PARP15: variants seen among roughly 807,000 people sequenced by gnomAD.
The protein encoded by PARP15 is poly(ADP-ribose) polymerase family member 15.
Under a neutral mutation model 62.1 loss-of-function variants are expected in PARP15, and 50 were observed. The observed-to-expected ratio is 0.81, with a 90% CI of 0.64 to 1.02. The LOEUF (loss-of-function observed/expected upper bound fraction) is 1.02. PARP15 is among the 50% of genes least tolerant of loss of function. The pLI, the probability that PARP15 is intolerant of heterozygous loss-of-function variation, is 0.00. For missense variants in PARP15, 820 were observed against 826.5 expected (o/e 0.99, Z 0.10); for synonymous variants, 309 against 293.1 (o/e 1.05, Z -0.55).
intron 8 of PARP15, among the ~76,000 whole-genome samples, chr3:122,622,043 C>T (rs923370586): frequency 6.6e-6 from 1 of 152,246 alleles, no homozygotes. Context: ...AAGCAATCCG[C>T]CTGCCTCAGC....
intron 4 of PARP15, 184 bp from the exon 5 acceptor site, chr3:122,615,595 A>C (rs1188708880): frequency 7.6e-7 from 1 of 1,314,108 alleles, no homozygotes; most frequent in Non-Finnish European, 1.0e-6. Context: ...GCAAATCAGC[A>C]CTGCTATTTG....
At chr3:122,585,729 T>G (rs1314293211) in intron 1 of PARP15, among the ~76,000 whole-genome samples, 1 of 152,190 alleles carries the variant, frequency 6.6e-6, no homozygotes, top group Non-Finnish European at 1.5e-5. Context: ...TCGTCAATCA[T>G]CTGATAGAAG....
intron 4 of PARP15, chr3:122,615,092 A>T (rs1195894679): frequency 2.0e-6 from 2 of 984,574 alleles, no homozygotes; most frequent in Admixed American, 6.2e-5. Context: ...GAAAAAGTAG[A>T]AACAGTCCCA....
intron 2 of PARP15, 146 bp downstream of exon 2, chr3:122,606,201 A>C (rs569547867): frequency 1.9e-6 from 2 of 1,029,262 alleles, no homozygotes; most frequent in Non-Finnish European, 2.7e-6. Context: ...AAACCCACTT[A>C]AAGTTTATGC....
chr3:122,587,152 A>G (rs1267733615), intron 1 of PARP15, among the ~76,000 whole-genome samples: 1 of 152,224 alleles, frequency 6.6e-6, no homozygotes, highest in African/African-American at 2.4e-5. Flanking sequence ...ACTAAATGAT[A>G]GTCCCTTGTT....
intron 8 of PARP15, among the ~76,000 whole-genome samples, chr3:122,625,303 G>A (rs1936643325): frequency 6.6e-6 from 1 of 152,086 alleles, no homozygotes; most frequent in African/African-American, 2.4e-5. Context: ...ACCCAGGCTG[G>A]AGTTCAGTGG....
At chr3:122,605,238 C>T (rs1935082903) in intron 1 of PARP15, among the ~76,000 whole-genome samples, 1 of 152,062 alleles carries the variant, frequency 6.6e-6, no homozygotes, top group Non-Finnish European at 1.5e-5. Flanking sequence ...TTCAGTATGC[C>T]TGTACTTCCT....
chr3:122,606,444 C>A (rs1473141332), intron 2 of PARP15, among the ~76,000 whole-genome samples: 2 of 152,196 alleles, frequency 1.3e-5, no homozygotes, highest in Non-Finnish European at 1.5e-5. Flanking sequence ...TTGCTCCTGC[C>A]TGAGCACTTT....
intron 3 of PARP15, among the ~76,000 whole-genome samples, chr3:122,612,641 T>C (rs144023905): frequency 0.037 from 5,689 of 152,042 alleles, 364 homozygotes; most frequent in African/African-American, 0.13. Flanking sequence ...GGGGTTTCAC[T>C]GTGTTAGCCA....
intron 1 of PARP15, among the ~76,000 whole-genome samples, chr3:122,588,662 A>G (rs533637350): frequency 6.6e-6 from 1 of 152,298 alleles, no homozygotes; most frequent in South Asian, 2.1e-4. Context: ...TCTCTAAAAA[A>G]TAAAAATAAA....
intron 1 of PARP15, among the ~76,000 whole-genome samples, chr3:122,600,025 G>A (rs1377574523): frequency 6.6e-6 from 1 of 152,160 alleles, no homozygotes; most frequent in Non-Finnish European, 1.5e-5. Context: ...GGAAACACAA[G>A]TTACTAATTT....
At chr3:122,578,311 T>C (rs1185257284) in intron 1 of PARP15, among the ~76,000 whole-genome samples, 1 of 152,230 alleles carries the variant, frequency 6.6e-6, no homozygotes, top group African/African-American at 2.4e-5. Flanking sequence ...TACTCTTCCC[T>C]ACACCCAAGT....
At chr3:122,624,611 T>C (rs1576539869) in intron 8 of PARP15, among the ~76,000 whole-genome samples, 2 of 152,214 alleles carry the variant, frequency 1.3e-5, no homozygotes, top group Non-Finnish European at 2.9e-5. Context: ...TATGACTTAG[T>C]AAAATTTCAA....
chr3:122,584,644 T>C (rs6438751), intron 1 of PARP15, among the ~76,000 whole-genome samples: 140,041 of 149,378 alleles, frequency 0.94, 65,788 homozygotes, highest in Non-Finnish European at 0.97. Flanking sequence ...ATGGCACAAT[T>C]TTGGCTCACT....
chr3:122,600,818 T>G (rs1013294316), intron 1 of PARP15, among the ~76,000 whole-genome samples: 12 of 151,730 alleles, frequency 7.9e-5, no homozygotes, highest in Non-Finnish European at 1.5e-5. Context: ...GAAAGGACTT[T>G]GTTTTTAGAG....
At chr3:122,632,258 T>C (rs768549869) in intron 10 of PARP15, 39 bp downstream of exon 10, 2 of 1,581,962 alleles carry the variant, frequency 1.3e-6, no homozygotes, top group South Asian at 2.2e-5. Flanking sequence ...AAAATGTTGA[T>C]GAACTAACAT....
At chr3:122,605,600 G>T (rs1165731325) in intron 1 of PARP15, among the ~76,000 whole-genome samples, 1 of 152,132 alleles carries the variant, frequency 6.6e-6, no homozygotes, top group Non-Finnish European at 1.5e-5. Flanking sequence ...TTGAGACAGG[G>T]TCTCGCTTTG....
At chr3:122,584,004 C>T (rs1933195287) in intron 1 of PARP15, among the ~76,000 whole-genome samples, 1 of 151,952 alleles carries the variant, frequency 6.6e-6, no homozygotes, top group African/African-American at 2.4e-5. Context: ...GCTTGCACCG[C>T]TCTCCATGTG....
At chr3:122,619,911 G>A (rs2107566474) in intron 7 of PARP15, 68 bp downstream of exon 7, 1 of 1,405,064 alleles carries the variant, frequency 7.1e-7, no homozygotes, top group Non-Finnish European at 1.0e-6. Flanking sequence ...GTGAGAGGAT[G>A]TACAGGAGGA....
Sources: gnomAD v4.1 joint callset for allele counts (sites outside exome capture counted in the v4.1 genomes callset) on GRCh38, gnomAD v4.1.1 for gene constraint, MANE v1.5 for transcripts, NCBI Gene and HGNC (gene_info 2026-07-23, HGNC 2026-07-21) for gene names.